Variants in MYH11 observed in about 807,000 individuals in gnomAD.
The protein encoded by MYH11 is myosin-11.
Under a neutral mutation model 246.6 loss-of-function variants are expected in MYH11, and 80 were observed. The ratio of observed to expected loss-of-function variants is 0.32; its 90% confidence interval spans 0.27 to 0.39. MYH11 has a LOEUF of 0.39. Among genes scored for constraint, MYH11 ranks in the 10% least tolerant of loss-of-function variants. The pLI is 1.00. For synonymous variants in MYH11, 1,071 were observed against 1,015.5 expected (o/e 1.05, Z -1.04); for missense variants, 2,158 against 2,546.8 (o/e 0.85, Z 3.29).
At chr16:15,772,598 G>T (rs1014554198) in intron 8 of MYH11, among the ~76,000 whole-genome samples, 1 of 152,008 alleles carries the variant, frequency 6.6e-6, no homozygotes, top group Admixed American at 6.6e-5. Context: ...CAATAGGCTT[G>T]CTATATATAC....
At chr16:15,705,777 C>T (rs986205442) in intron 40 of MYH11, among the ~76,000 whole-genome samples, 1 of 151,686 alleles carries the variant, frequency 6.6e-6, no homozygotes, top group African/African-American at 2.4e-5. Context: ...GTCAGGAGAT[C>T]GAGACCATCC....
At chr16:15,711,815 C>T (rs2039814355) in intron 40 of MYH11, among the ~76,000 whole-genome samples, 1 of 152,146 alleles carries the variant, frequency 6.6e-6, no homozygotes, top group South Asian at 2.1e-4. Flanking sequence ...GCCTCAGCCT[C>T]CCTAGTAGCT....
At chr16:15,773,004 T>C (rs969353245) in intron 8 of MYH11, among the ~76,000 whole-genome samples, 1 of 152,136 alleles carries the variant, frequency 6.6e-6, no homozygotes, top group East Asian at 1.9e-4. Flanking sequence ...TCATTGTATA[T>C]TACAATGTAA....
At chr16:15,766,382 TGTGTGTGA>T (rs200633787) in intron 9 of MYH11, among the ~76,000 whole-genome samples, 7,533 of 146,200 alleles carry the variant, frequency 0.052, 194 homozygotes, top group Non-Finnish European at 0.06. Context: ...TGTGTGTGTG[TGTGTGTGA>T]GACTGAGTCT....
At chr16:15,721,816 A>C (rs2040501020) in intron 31 of MYH11, 182 bp from the exon 32 acceptor site, 1 of 646,050 alleles carries the variant, frequency 1.5e-6, no homozygotes, top group Non-Finnish European at 2.7e-6. Context: ...CATCAACCTT[A>C]TGCAGAGCCA....
chr16:15,741,689 A>G lies in MYH11; in HGVS notation c.2653-20T>C. On this transcript the variant is annotated intron_variant, in intron 21 of 40. Coordinates refer to ENST00000300036, the MANE Select transcript of MYH11 (RefSeq NM_002474.3). ...GGTCAGCTGCACGCAGGTGGTGGGG[A>G]GGAGGCGGGTGAGCCCCACGGGGCC... The G allele has an allele frequency of 6.2e-7, 1 of 1,613,928 alleles. No homozygotes were observed. The highest frequency in any genetic ancestry group is 8.5e-7 in the Non-Finnish European group (1 of 1,180,010).
chr16:15,724,548 AC>A, intron 30 of MYH11, 98 bp downstream of exon 30: 1 of 1,606,990 alleles, frequency 6.2e-7, no homozygotes, highest in Non-Finnish European at 8.5e-7. Flanking sequence ...GGGGTCAAGC[AC>A]CATCGCACCA....
chr16:15,788,009 T>G (rs1255188608), intron 4 of MYH11, among the ~76,000 whole-genome samples: 1 of 151,250 alleles, frequency 6.6e-6, no homozygotes, highest in Non-Finnish European at 1.5e-5. Flanking sequence ...ATGACTGATA[T>G]GTTTAGATCA....
chr16:15,747,516 G>T (rs1644184934), intron 19 of MYH11, 54 bp downstream of exon 19: 2 of 1,605,000 alleles, frequency 1.2e-6, no homozygotes, highest in South Asian at 1.1e-5. Flanking sequence ...GAACAGAAAG[G>T]CCCCTGTTTG....
intron 40 of MYH11, chr16:15,708,853 A>G (rs1272141274): frequency 1.9e-6 from 3 of 1,609,114 alleles, no homozygotes; most frequent in African/African-American, 1.3e-5. Flanking sequence ...TGAAACAGAG[A>G]GAGAATCCCC....
Position 15,738,726 on chromosome 16 carries a change from T to G in MYH11, c.2998-38A>C, listed in dbSNP as rs772338743. On this transcript the variant is annotated intron_variant, in intron 23 of 40. Transcript: ENST00000300036. ...AGAGAAAGAGATAGCTTTAGGATTTTTCTTTTCTCTAGAATCTATGTTTCA... is the reference window on the plus strand; with the variant it reads ...AGAGAAAGAGATAGCTTTAGGATTTGTCTTTTCTCTAGAATCTATGTTTCA... 18 of 1,609,022 alleles carry G rather than the reference T, an allele frequency of 1.1e-5. No individual in the cohort carries two copies. In the East Asian group the frequency reaches 3.6e-4, roughly 32 times the overall value.
At chr16:15,734,804 G>A (rs965735072) in intron 26 of MYH11, among the ~76,000 whole-genome samples, 4 of 152,142 alleles carry the variant, frequency 2.6e-5, no homozygotes, top group African/African-American at 9.7e-5. Flanking sequence ...TGTGGCCCAA[G>A]ACAAATCTTT....
intron 8 of MYH11, among the ~76,000 whole-genome samples, chr16:15,773,097 C>A (rs35288467): frequency 0.41 from 61,445 of 148,706 alleles, 12,858 homozygotes; most frequent in East Asian, 0.6. Flanking sequence ...CTGTGGAAAA[C>A]TTTTCTTCCA....
intron 3 of MYH11, among the ~76,000 whole-genome samples, chr16:15,816,415 G>GGA (rs559013803): frequency 6.6e-6 from 1 of 150,798 alleles, no homozygotes; most frequent in Non-Finnish European, 1.5e-5. Flanking sequence ...CAAGATTGGG[G>GGA]AAAAAAAAGG....
In MYH11 at chr16:15,726,882, C is replaced by A. The variant is rs267606901; in HGVS notation, c.3824G>T (p.Arg1275Leu). Residue 1275 changes from arginine (R) to leucine (L), a missense_variant, in exon 28 of 41, where the codon CGG (arginine) becomes CTG (leucine). By Grantham distance (102) the Arg-to-Leu change is moderately radical. This residue lies in a region of MYH11 where 1,013 missense variants were observed against 993.5 expected (regional missense o/e 1.02). Coordinates refer to ENST00000300036, the MANE Select transcript of MYH11 (RefSeq NM_002474.3). The part of the protein sequence containing the change: ...QSKCSDGERA[R>L]AELNDKVHKL... ...GTGGACTTTGTCATTGAGCTCCGCCCGGGCCCGCTCCCCATCGCTGCACTT... is the reference window on the plus strand; with the variant it reads ...GTGGACTTTGTCATTGAGCTCCGCCAGGGCCCGCTCCCCATCGCTGCACTT... 2 of 1,612,128 alleles carry A rather than the reference C, an allele frequency of 1.2e-6. No homozygotes were observed. The highest frequency in any genetic ancestry group is 2.7e-5 in the African/African-American group (2 of 74,886).
chr16:15,735,164 G>A (rs1311165485), intron 26 of MYH11, among the ~76,000 whole-genome samples: 1 of 136,710 alleles, frequency 7.3e-6, no homozygotes, highest in Non-Finnish European at 1.5e-5. Context: ...AGGCAACAAA[G>A]CCAGACTGCC....
intron 5 of MYH11, among the ~76,000 whole-genome samples, chr16:15,784,089 C>T (rs550779823): frequency 2.0e-5 from 3 of 152,208 alleles, no homozygotes; most frequent in South Asian, 4.2e-4. Context: ...GGGGCCTTAC[C>T]GCGCCACCAA....
At chr16:15,784,472 C>G (rs1373462267) in intron 5 of MYH11, among the ~76,000 whole-genome samples, 2 of 152,098 alleles carry the variant, frequency 1.3e-5, no homozygotes, top group Non-Finnish European at 2.9e-5. Flanking sequence ...CCTGGGGACT[C>G]CAATAGGCGT....
intron 13 of MYH11, among the ~76,000 whole-genome samples, chr16:15,756,931 T>C (rs1432285208): frequency 6.6e-6 from 1 of 150,922 alleles, no homozygotes; most frequent in Non-Finnish European, 1.5e-5. Context: ...CCCGAGTAGC[T>C]GGGACTACAG....
Sources: gnomAD v4.1 joint callset for allele counts (sites outside exome capture counted in the v4.1 genomes callset) on GRCh38, gnomAD v4.1.1 for gene constraint, gnomAD v4.1.1 regional missense constraint, MANE v1.5 for transcripts, NCBI Gene and HGNC (gene_info 2026-07-23, HGNC 2026-07-21) for gene names.